Variants in HSDL1 observed in about 807,000 individuals in gnomAD.
HSDL1 encodes the protein hydroxysteroid dehydrogenase like 1, also known as inactive hydroxysteroid dehydrogenase-like protein 1.
In HSDL1, 29 loss-of-function variants were observed where a neutral mutation model predicts 31.5. That is an observed-to-expected ratio of 0.92 (90% CI 0.69 to 1.26). The LOEUF is 1.26. Ranked by LOEUF, HSDL1 falls within the 50% of genes most tolerant of loss-of-function variation. HSDL1 has a pLI of 0.00. For missense variants in HSDL1, 503 were observed against 416.6 expected (o/e 1.21, Z -1.81); for synonymous variants, 222 against 155.2 (o/e 1.43, Z -3.20).
At chr16:84,127,556 G>C (rs1358357942) in intron 5 of HSDL1, among the ~76,000 whole-genome samples, 6 of 151,364 alleles carry the variant, frequency 4.0e-5, no homozygotes. Context: ...TTTCATAAAA[G>C]TCATAATTAA....
chr16:84,122,430 T>G lies in HSDL1; in HGVS notation c.*2200A>C, dbSNP rs1271820953. On this transcript the variant is annotated 3_prime_UTR_variant, in exon 6 of 6. Transcript: ENST00000219439. The stretch of plus-strand genomic sequence containing the variant: ...TGGAGTGCAGTGGCACGATCTTGGC[T>G]CACTTCAACCTCTGCATCCTGGGCT... 2.0e-5 allele frequency: 3 copies of G among 152,180 alleles called. No homozygotes were observed. Among genetic ancestry groups the G allele is most frequent in the African/African-American group, 7.3e-5 (3 of 41,224 alleles). The allele number at this position is 152,180 out of a possible 1,614,324, so 9.4% of individuals were successfully genotyped here.
intron 1 of HSDL1, among the ~76,000 whole-genome samples, chr16:84,137,220 G>C (rs976357679): frequency 6.6e-6 from 1 of 152,232 alleles, no homozygotes; most frequent in Non-Finnish European, 1.5e-5. Context: ...AGTGTGAGCA[G>C]AATTTCTGGG....
intron 1 of HSDL1, among the ~76,000 whole-genome samples, chr16:84,137,833 T>C (rs999137316): frequency 2.0e-5 from 3 of 152,270 alleles, no homozygotes; most frequent in African/African-American, 7.2e-5. Context: ...TTATCACACA[T>C]TTAAGCCTAG....
chr16:84,135,497 G>T (rs1597377439), intron 2 of HSDL1, 47 bp downstream of exon 2: 1 of 152,080 alleles, frequency 6.6e-6, no homozygotes, highest in African/African-American at 2.4e-5. Context: ...CACAAAGGGG[G>T]CCCCAGTTTT....
At position 84,130,305 on chromosome 16, in the gene HSDL1, T is replaced by C. The variant is rs2086650725; in HGVS notation, c.347A>G (p.Lys116Arg). ...VVAKDIADTY[K>R]VETDIIVADF... ...CGCAACTATAATATCAGTTTCCACT[T>C]TGTACGTGTCGGCTATGTCTTTAGC... The change falls in exon 4 of 6, where the codon AAA becomes AGA. Residue 116 changes from lysine (K) to arginine (R), a missense_variant. Physicochemically the swap from Lys to Arg is conservative, Grantham distance 26 (BLOSUM62 2). Coordinates refer to ENST00000219439, the MANE Select transcript of HSDL1 (RefSeq NM_031463.5). The C allele has an allele frequency of 1.2e-6, 2 of 1,614,218 alleles. No individual in the cohort carries two copies. The highest frequency in any genetic ancestry group is 1.7e-6 in the Non-Finnish European group (2 of 1,180,040).
Position 84,124,401 on chromosome 16 carries a change from G to C in HSDL1, c.*229C>G, listed in dbSNP as rs2086582002. On this transcript the variant is annotated 3_prime_UTR_variant, in exon 6 of 6. Transcript: ENST00000219439. Reference sequence around the variant, plus strand: ...CAGCTTAGGGAAAAAGCACTGAAATGTAGATGTCGTCAATCAGCCTCAGGC... The same window carrying C: ...CAGCTTAGGGAAAAAGCACTGAAATCTAGATGTCGTCAATCAGCCTCAGGC... 1 of 399,196 alleles carries C rather than the reference G, an allele frequency of 2.5e-6. No homozygotes were observed. The highest frequency in any genetic ancestry group is 2.0e-5 in the African/African-American group (1 of 49,468). 24.7% of individuals were successfully genotyped at this position (399,196 alleles called of 1,614,324 possible).
intron 2 of HSDL1, among the ~76,000 whole-genome samples, chr16:84,134,843 G>C (rs2086698328): frequency 6.6e-6 from 1 of 152,210 alleles, no homozygotes; most frequent in Admixed American, 6.5e-5. Context: ...AACAAGCTAT[G>C]ACTAAAGAAA....
chr16:84,125,968 T>G (rs2086602605), intron 5 of HSDL1, among the ~76,000 whole-genome samples: 1 of 152,004 alleles, frequency 6.6e-6, no homozygotes, highest in African/African-American at 2.4e-5. Context: ...CCAGGCGTGG[T>G]GGCGGGAGCC....
intron 1 of HSDL1, among the ~76,000 whole-genome samples, chr16:84,143,854 T>A (rs1291616340): frequency 6.8e-6 from 1 of 147,152 alleles, no homozygotes; most frequent in Admixed American, 6.8e-5. Flanking sequence ...AAAAAAAAAA[T>A]TAGCTGGGTG....
At chr16:84,131,794 C>A (rs550781564) in intron 2 of HSDL1, among the ~76,000 whole-genome samples, 148 of 152,248 alleles carry the variant, frequency 9.7e-4, no homozygotes, top group Non-Finnish European at 1.6e-3. Flanking sequence ...ATTCTCCTGC[C>A]TCAGCCTCCG....
chr16:84,139,052 G>C (rs185490622), intron 1 of HSDL1, among the ~76,000 whole-genome samples: 1 of 152,332 alleles, frequency 6.6e-6, no homozygotes, highest in Non-Finnish European at 1.5e-5. Context: ...GTGTGACGTG[G>C]GGCGGGTGGT....
intron 1 of HSDL1, among the ~76,000 whole-genome samples, chr16:84,142,173 C>T (rs920758794): frequency 6.6e-6 from 1 of 152,130 alleles, no homozygotes; most frequent in Admixed American, 6.6e-5. Flanking sequence ...AACCATTCAC[C>T]TGCCTTGGCC....
chr16:84,133,495 C>T (rs1367246588), intron 2 of HSDL1, among the ~76,000 whole-genome samples: 2 of 152,212 alleles, frequency 1.3e-5, no homozygotes, highest in African/African-American at 4.8e-5. Flanking sequence ...AATCCCAGCA[C>T]TTTGGGAGGC....
chr16:84,128,964 TC>T (rs1028442720), intron 5 of HSDL1, among the ~76,000 whole-genome samples: 1 of 152,032 alleles, frequency 6.6e-6, no homozygotes, highest in African/African-American at 2.4e-5. Flanking sequence ...CACCTCAGCT[TC>T]CCAAAGTGCT....
Position 84,122,321 on chromosome 16 carries a change from C to A in HSDL1, c.*2309G>T, listed in dbSNP as rs2086562075. ...ACAACTACTTTTATTGTTAAACTTT[C>A]AATTCACAGATTAACTTTCAAAGGT... On this transcript the variant is annotated 3_prime_UTR_variant, in exon 6 of 6. Coordinates refer to ENST00000219439, the MANE Select transcript of HSDL1 (RefSeq NM_031463.5). 6.6e-6 allele frequency: 1 copy of A among 152,414 alleles called. No homozygotes were observed. Among genetic ancestry groups the A allele is most frequent in the Non-Finnish European group, 1.5e-5 (1 of 68,002 alleles). 9.4% of individuals were successfully genotyped at this position (152,414 alleles called of 1,614,324 possible).
At chr16:84,128,087 G>A (rs973031758) in intron 5 of HSDL1, among the ~76,000 whole-genome samples, 7 of 151,086 alleles carry the variant, frequency 4.6e-5, no homozygotes, top group African/African-American at 1.5e-4. Context: ...TCAGGAGTTC[G>A]AGACCAGCCT....
Position 84,124,495 on chromosome 16 carries a change from T to G in HSDL1, c.*135A>C. The G allele has an allele frequency of 1.6e-6, 1 of 636,696 alleles. No individual in the cohort carries two copies. The highest frequency in any genetic ancestry group is 2.9e-6 in the Non-Finnish European group (1 of 345,874). 39.4% of individuals were successfully genotyped at this position (636,696 alleles called of 1,614,324 possible). On this transcript the variant is annotated 3_prime_UTR_variant, in exon 6 of 6. Transcript: ENST00000219439. ...AGCACTCTGACGGTATTATGTGTGT[T>G]TTGCAAATGACGAATCAACAGTATG...
intron 1 of HSDL1, among the ~76,000 whole-genome samples, chr16:84,141,782 C>G (rs2086771614): frequency 6.6e-6 from 1 of 152,124 alleles, no homozygotes; most frequent in Middle Eastern, 3.2e-3. Flanking sequence ...TATGTGCTTT[C>G]TGTGTTTTGT....
chr16:84,131,944 G>T (rs892779374), intron 2 of HSDL1, among the ~76,000 whole-genome samples: 2 of 152,210 alleles, frequency 1.3e-5, no homozygotes, highest in African/African-American at 4.8e-5. Flanking sequence ...GCCTCCCAAA[G>T]TGCTGGGATT....
Sources: gnomAD v4.1 joint callset for allele counts (sites outside exome capture counted in the v4.1 genomes callset) on GRCh38, gnomAD v4.1.1 for gene constraint, MANE v1.5 for transcripts, NCBI Gene and HGNC (gene_info 2026-07-23, HGNC 2026-07-21) for gene names.